The following AUTS2 variants were observed in gnomAD, a reference collection of about 807,000 sequenced individuals.
AUTS2 encodes activator of transcription and developmental regulator AUTS2.
Under a neutral mutation model 112.4 loss-of-function variants are expected in AUTS2, and 17 were observed. That is an observed-to-expected ratio of 0.15 (90% CI 0.10 to 0.23). The LOEUF (loss-of-function observed/expected upper bound fraction) is 0.23. Among genes scored for constraint, AUTS2 ranks in the 10% least tolerant of loss-of-function variants. AUTS2 has a pLI of 1.00. For missense variants in AUTS2, 1,510 were observed against 1,701.6 expected (o/e 0.89, Z 1.98); for synonymous variants, 751 against 702.7 (o/e 1.07, Z -1.09).
chr7:70,015,035 C>T (rs577577243), intron 2 of AUTS2, among the ~76,000 whole-genome samples: 2 of 152,244 alleles, frequency 1.3e-5, no homozygotes, highest in South Asian at 2.1e-4. Context: ...CGCTAATATC[C>T]AGCTGTTGTG....
At chr7:70,030,194 A>G (rs545610196) in intron 2 of AUTS2, among the ~76,000 whole-genome samples, 1 of 152,308 alleles carries the variant, frequency 6.6e-6, no homozygotes, top group African/African-American at 2.4e-5. Context: ...CCCTATCTGC[A>G]TCACGTGACC....
At chr7:70,245,144 G>A (rs376035954) in intron 4 of AUTS2, among the ~76,000 whole-genome samples, 18,272 of 107,636 alleles carry the variant, frequency 0.17, 1,706 homozygotes, top group Middle Eastern at 0.21. Flanking sequence ...GTGTGTGTGT[G>A]TATATATATA....
chr7:70,380,438 T>C (rs1413209182), intron 4 of AUTS2, among the ~76,000 whole-genome samples: 1 of 152,226 alleles, frequency 6.6e-6, no homozygotes, highest in Non-Finnish European at 1.5e-5. Context: ...GCCTCCAGCA[T>C]TGACGTCTGA....
intron 1 of AUTS2, among the ~76,000 whole-genome samples, chr7:69,823,069 TC>T (rs1791068849): frequency 6.6e-6 from 1 of 152,184 alleles, no homozygotes; most frequent in African/African-American, 2.4e-5. Flanking sequence ...TGTCTCCACT[TC>T]CTAGCAAGCA....
intron 5 of AUTS2, among the ~76,000 whole-genome samples, chr7:70,591,092 G>A (rs1802919676): frequency 6.6e-6 from 1 of 152,168 alleles, no homozygotes. Flanking sequence ...GTCCTGGCCT[G>A]CCTTTGTGTG....
At chr7:70,478,966 A>G (rs190632827) in intron 5 of AUTS2, among the ~76,000 whole-genome samples, 198 of 152,280 alleles carry the variant, frequency 1.3e-3, no homozygotes, top group Admixed American at 4.3e-3. Context: ...TTGGCATAAT[A>G]TAAATACTTG....
chr7:70,406,443 T>C (rs6953951), intron 4 of AUTS2, among the ~76,000 whole-genome samples: 37,543 of 152,082 alleles, frequency 0.25, 4,992 homozygotes, highest in Middle Eastern at 0.35. Context: ...GAGCCCAACC[T>C]AGGGAGCAGG....
chr7:70,236,951 C>T (rs1344417827), intron 4 of AUTS2, among the ~76,000 whole-genome samples: 4 of 152,166 alleles, frequency 2.6e-5, no homozygotes, highest in African/African-American at 9.7e-5. Flanking sequence ...CCCTGCTTAC[C>T]ACTTACTGCC....
At chr7:70,083,134 G>A (rs1017491504) in intron 2 of AUTS2, among the ~76,000 whole-genome samples, 1 of 152,088 alleles carries the variant, frequency 6.6e-6, no homozygotes, top group Non-Finnish European at 1.5e-5. Context: ...CTCTTTCCCT[G>A]ATGATTGTTT....
At chr7:70,772,687 G>C (rs1211044247) in intron 11 of AUTS2, among the ~76,000 whole-genome samples, 3 of 152,196 alleles carry the variant, frequency 2.0e-5, no homozygotes, top group Non-Finnish European at 4.4e-5. Flanking sequence ...CACCTGCATT[G>C]AATTGCATTG....
chr7:70,331,796 A>G (rs920952992), intron 4 of AUTS2, among the ~76,000 whole-genome samples: 1 of 152,152 alleles, frequency 6.6e-6, no homozygotes, highest in African/African-American at 2.4e-5. Context: ...CTCTCAATAA[A>G]CTAGGTATTG....
At chr7:70,000,972 G>T (rs1018600407) in intron 2 of AUTS2, among the ~76,000 whole-genome samples, 6 of 152,338 alleles carry the variant, frequency 3.9e-5, no homozygotes, top group Non-Finnish European at 7.3e-5. Context: ...CTTCTGCCAG[G>T]ATGGTTCTGC....
intron 1 of AUTS2, among the ~76,000 whole-genome samples, chr7:69,858,240 A>G (rs536120903): frequency 1.3e-5 from 2 of 152,210 alleles, no homozygotes; most frequent in East Asian, 1.9e-4. Context: ...TCAAAGTAGC[A>G]TAAGCTTTAG....
intron 1 of AUTS2, among the ~76,000 whole-genome samples, chr7:69,897,871 T>A (rs1261279842): frequency 2.0e-5 from 3 of 152,038 alleles, no homozygotes; most frequent in Non-Finnish European, 4.4e-5. Flanking sequence ...ACCATGCATG[T>A]AAAGTTGGGA....
intron 5 of AUTS2, among the ~76,000 whole-genome samples, chr7:70,671,355 C>G (rs879893819): frequency 6.6e-6 from 1 of 152,198 alleles, no homozygotes; most frequent in African/African-American, 2.4e-5. Flanking sequence ...CTTGTCAATC[C>G]TGGGTAACCG....
chr7:70,768,118 T>G, intron 10 of AUTS2, 50 bp downstream of exon 10: 2 of 1,538,468 alleles, frequency 1.3e-6, no homozygotes, highest in Middle Eastern at 1.7e-4. Context: ...TTTGCCATTT[T>G]TGTGCTCTTG....
intron 4 of AUTS2, among the ~76,000 whole-genome samples, chr7:70,334,408 G>A (rs1384214812): frequency 2.6e-5 from 4 of 152,210 alleles, no homozygotes; most frequent in Non-Finnish European, 5.9e-5. Context: ...TGCGATTCTG[G>A]AGAAGTAAGT....
intron 2 of AUTS2, among the ~76,000 whole-genome samples, chr7:70,064,908 C>T (rs1584663336): frequency 2.0e-5 from 3 of 152,148 alleles, no homozygotes; most frequent in African/African-American, 7.2e-5. Context: ...CTGTGGGTTA[C>T]ATGTCTTTCT....
chr7:70,707,005 C>T (rs980200980), intron 6 of AUTS2, among the ~76,000 whole-genome samples: 28 of 152,140 alleles, frequency 1.8e-4, no homozygotes, highest in African/African-American at 6.8e-4. Context: ...GTTAAAACAC[C>T]TTAGAACCAA....
Sources: allele counts gnomAD v4.1 joint callset (sites outside exome capture counted in the v4.1 genomes callset), GRCh38; gene constraint gnomAD v4.1.1; transcripts MANE v1.5; gene names NCBI Gene and HGNC (gene_info 2026-07-23, HGNC 2026-07-21).